The following ANKRD31 variants were observed in gnomAD, a reference collection of about 807,000 sequenced individuals.
The protein encoded by ANKRD31 is ankyrin repeat domain 31.
In ANKRD31, 147 loss-of-function variants were observed where a neutral mutation model predicts 186.0. That is an observed-to-expected ratio of 0.79 (90% confidence interval 0.69 to 0.91). The LOEUF (loss-of-function observed/expected upper bound fraction) is 0.91. Ranked by LOEUF, ANKRD31 falls within the 40% of genes least tolerant of loss-of-function variation. The probability of loss-of-function intolerance (pLI) is 0.00; values close to 1 mark genes in which losing one functional copy is unlikely to be tolerated. For synonymous variants in ANKRD31, 673 were observed against 736.4 expected, an observed-to-expected ratio of 0.91 and a Z score of 1.39; for missense variants, 1,986 against 2,148.8, an observed-to-expected ratio of 0.92 and a Z score of 1.50.
At chr5:75,184,898 T>C (rs906906574) in intron 10 of ANKRD31, among the ~76,000 whole-genome samples, 3 of 152,134 alleles carry the variant, frequency 2.0e-5, no homozygotes, top group African/African-American at 7.2e-5. Context: ...GTCAAAGATA[T>C]ATCTAAATTC....
At chr5:75,200,990 AAGCAT>A (rs2150262060) in intron 5 of ANKRD31, among the ~76,000 whole-genome samples, 1 of 152,138 alleles carries the variant, frequency 6.6e-6, no homozygotes, top group Admixed American at 6.5e-5. Flanking sequence ...CTGGAATTTC[AAGCAT>A]ATATCTGAGT....
chr5:75,164,554 T>C (rs537645863), intron 11 of ANKRD31, among the ~76,000 whole-genome samples: 1 of 152,262 alleles, frequency 6.6e-6, no homozygotes, highest in African/African-American at 2.4e-5. Context: ...AATTGGTAAG[T>C]GTAGATAGTT....
intron 23 of ANKRD31, among the ~76,000 whole-genome samples, chr5:75,087,443 G>A (rs190552908): frequency 3.9e-5 from 6 of 152,114 alleles, no homozygotes; most frequent in East Asian, 1.9e-4. Flanking sequence ...TGAGGCAGAC[G>A]CTGCAGCGAG....
intron 10 of ANKRD31, among the ~76,000 whole-genome samples, chr5:75,181,285 T>C (rs2150219490): frequency 6.6e-6 from 1 of 152,258 alleles, no homozygotes; most frequent in East Asian, 1.9e-4. Context: ...ATACTGTTGG[T>C]GGGACTGTAA....
intron 2 of ANKRD31, chr5:75,225,695 T>C (rs1181682346): frequency 6.1e-6 from 1 of 162,780 alleles, no homozygotes; most frequent in South Asian, 1.5e-4. Context: ...GATTCTCACA[T>C]GTGGTTTCAT....
chr5:75,076,257 C>T (rs1343088250), intron 25 of ANKRD31, among the ~76,000 whole-genome samples: 1 of 152,192 alleles, frequency 6.6e-6, no homozygotes, highest in Non-Finnish European at 1.5e-5. Context: ...TCACTTCAGA[C>T]ACCAGTTGCA....
chr5:75,173,027 A>C (rs1317095703), intron 10 of ANKRD31, among the ~76,000 whole-genome samples: 1 of 152,202 alleles, frequency 6.6e-6, no homozygotes, highest in Non-Finnish European at 1.5e-5. Flanking sequence ...CACATCAAAA[A>C]GCTTATCCAC....
At chr5:75,215,153 G>C (rs1756890545) in intron 3 of ANKRD31, among the ~76,000 whole-genome samples, 1 of 152,140 alleles carries the variant, frequency 6.6e-6, no homozygotes, top group Non-Finnish European at 1.5e-5. Flanking sequence ...TAATGGTGCT[G>C]ATAAAATCTA....
chr5:75,113,586 A>G (rs1747952480), intron 19 of ANKRD31, among the ~76,000 whole-genome samples: 1 of 152,098 alleles, frequency 6.6e-6, no homozygotes, highest in Non-Finnish European at 1.5e-5. Context: ...CACATTACCT[A>G]TCCTTTAATA....
chr5:75,111,570 T>G (rs1364053369), intron 20 of ANKRD31, among the ~76,000 whole-genome samples: 1 of 152,202 alleles, frequency 6.6e-6, no homozygotes, highest in Non-Finnish European at 1.5e-5. Flanking sequence ...AGTTATATCC[T>G]GCTATACAAA....
intron 8 of ANKRD31, 128 bp downstream of exon 8, chr5:75,193,183 G>T: frequency 1.7e-6 from 2 of 1,143,036 alleles, no homozygotes; most frequent in South Asian, 3.5e-5. Context: ...AAATAAAAAA[G>T]CAATAATATA....
intron 10 of ANKRD31, among the ~76,000 whole-genome samples, chr5:75,176,359 CCT>C: frequency 6.6e-6 from 1 of 152,294 alleles, no homozygotes; most frequent in South Asian, 2.1e-4. Context: ...CTTAAATGTC[CCT>C]GTCTGACAGC....
chr5:75,151,457 TCA>T (rs1308456672), intron 12 of ANKRD31, among the ~76,000 whole-genome samples: 4 of 152,008 alleles, frequency 2.6e-5, no homozygotes, highest in African/African-American at 9.7e-5. Flanking sequence ...TGAATAAGTC[TCA>T]CAATATCTGA....
intron 22 of ANKRD31, 147 bp downstream of exon 22, chr5:75,104,081 G>T: frequency 1.7e-6 from 1 of 585,650 alleles, no homozygotes; most frequent in South Asian, 3.6e-5. Context: ...CACTTGCTAA[G>T]AATACAATGG....
chr5:75,149,606 T>C (rs1029527055), intron 12 of ANKRD31, among the ~76,000 whole-genome samples: 1 of 151,926 alleles, frequency 6.6e-6, no homozygotes, highest in Admixed American at 6.6e-5. Context: ...CAGTCTTGAT[T>C]CTCATCTGCT....
At chr5:75,218,790 G>A (rs943938399) in intron 3 of ANKRD31, among the ~76,000 whole-genome samples, 5 of 151,974 alleles carry the variant, frequency 3.3e-5, no homozygotes, top group Admixed American at 1.3e-4. Context: ...ATGCTTCAAC[G>A]TATTCAAATC....
chr5:75,133,823 C>A (rs11925943), intron 17 of ANKRD31, among the ~76,000 whole-genome samples: 1 of 152,142 alleles, frequency 6.6e-6, no homozygotes, highest in Non-Finnish European at 1.5e-5. Context: ...GTCTCTCAGA[C>A]CACAGTGCAA....
intron 11 of ANKRD31, among the ~76,000 whole-genome samples, chr5:75,163,572 C>T (rs1182760660): frequency 6.6e-6 from 1 of 152,140 alleles, no homozygotes; most frequent in Non-Finnish European, 1.5e-5. Flanking sequence ...CATATGAAAT[C>T]AGGTGTGAAA....
rs1479377683 is a variant in ANKRD31, at chr5:75,192,742, C to CT, written c.1332dup (p.Glu445ArgfsTer19). On this transcript the variant is annotated frameshift_variant, in exon 9 of 26. Coordinates refer to ENST00000506364, the MANE Select transcript of ANKRD31 (RefSeq NM_001372053.1). LOFTEE classifies it high-confidence loss of function. ...AACCTTGCTGAATGCATATTCTTCT[C>CT]TTTACCATCAATCATTAAAGCCGGA... The CT allele has an allele frequency of 2.0e-6, 3 of 1,535,304 alleles. No homozygotes were observed. The highest frequency in any genetic ancestry group is 2.6e-6 in the Non-Finnish European group (3 of 1,146,120).
Sources: gnomAD v4.1 joint callset for allele counts (sites outside exome capture counted in the v4.1 genomes callset) on GRCh38, gnomAD v4.1.1 for gene constraint, MANE v1.5 for transcripts, NCBI Gene and HGNC (gene_info 2026-07-23, HGNC 2026-07-21) for gene names.